CLVS1: variants seen among roughly 807,000 people sequenced by gnomAD.
CLVS1 encodes the protein clavesin-1.
CLVS1 carries 10 observed loss-of-function variants against 33.1 expected under a neutral mutation model. The ratio of observed to expected loss-of-function variants is 0.30; its 90% CI spans 0.19 to 0.51. The LOEUF is 0.51. Among genes scored for constraint, CLVS1 ranks in the 20% least tolerant of loss-of-function variants. The pLI is 0.97. For synonymous variants in CLVS1, 163 were observed against 166.1 expected (o/e 0.98, Z 0.14); for missense variants, 343 against 433.4 (o/e 0.79, Z 1.85).
At chr8:61,179,986 G>T (rs1807197927) in intron 2 of CLVS1, among the ~76,000 whole-genome samples, 1 of 152,054 alleles carries the variant, frequency 6.6e-6, no homozygotes, top group African/African-American at 2.4e-5. Flanking sequence ...AAATAACTAA[G>T]ATCAAAGCAG....
At chr8:61,159,652 G>A (rs112779300) in intron 2 of CLVS1, among the ~76,000 whole-genome samples, 5,170 of 152,246 alleles carry the variant, frequency 0.034, 95 homozygotes, top group Middle Eastern at 0.041. Context: ...TATCATGAAC[G>A]AAATAACTCA....
At chr8:61,417,997 G>C (rs1440354826) in intron 3 of CLVS1, among the ~76,000 whole-genome samples, 2 of 152,176 alleles carry the variant, frequency 1.3e-5, no homozygotes, top group East Asian at 1.9e-4. Context: ...ATCCTAATAA[G>C]TTGCAATGTG....
chr8:61,027,490 A>G, the CLVS1 span, among the ~76,000 whole-genome samples: 1 of 152,052 alleles, frequency 6.6e-6, no homozygotes, highest in African/African-American at 2.4e-5. Context: ...AAAATTATAT[A>G]TGTATGTCAT....
chr8:61,011,094 T>C, the CLVS1 span, among the ~76,000 whole-genome samples: 1 of 152,242 alleles, frequency 6.6e-6, no homozygotes, highest in African/African-American at 2.4e-5. Flanking sequence ...ATGCATGCGC[T>C]TGTCCTTTCT....
intron 5 of CLVS1, among the ~76,000 whole-genome samples, chr8:61,468,319 T>C (rs1817623370): frequency 6.6e-6 from 1 of 152,188 alleles, no homozygotes; most frequent in East Asian, 1.9e-4. Flanking sequence ...AAAATATAAG[T>C]GTATGGTGCA....
At chr8:60,990,715 T>G in the CLVS1 span, among the ~76,000 whole-genome samples, 1 of 149,240 alleles carries the variant, frequency 6.7e-6, no homozygotes, top group South Asian at 2.1e-4. Context: ...TTTTTTTTGT[T>G]TTTTTTTTTT....
chr8:61,172,211 C>T (rs1807016886), intron 2 of CLVS1, among the ~76,000 whole-genome samples: 1 of 152,066 alleles, frequency 6.6e-6, no homozygotes, highest in South Asian at 2.1e-4. Flanking sequence ...ACATAAAAGG[C>T]ATTTGAGGAG....
At chr8:61,230,380 T>C (rs1439492529) in intron 2 of CLVS1, among the ~76,000 whole-genome samples, 1 of 152,200 alleles carries the variant, frequency 6.6e-6, no homozygotes, top group Non-Finnish European at 1.5e-5. Flanking sequence ...ACTGGGCCCG[T>C]GACTAACCTC....
chr8:61,013,112 T>C, the CLVS1 span, among the ~76,000 whole-genome samples: 1 of 152,180 alleles, frequency 6.6e-6, no homozygotes, highest in Non-Finnish European at 1.5e-5. Context: ...CATTTGGAGA[T>C]GGCAGGGGAC....
intron 1 of CLVS1, among the ~76,000 whole-genome samples, chr8:61,118,509 A>G (rs1053185510): frequency 2.4e-4 from 36 of 150,026 alleles, no homozygotes; most frequent in African/African-American, 9.0e-4. Context: ...GTGGGCATTT[A>G]GTGCTATAAA....
At chr8:61,015,661 G>C in the CLVS1 span, among the ~76,000 whole-genome samples, 2 of 152,218 alleles carry the variant, frequency 1.3e-5, no homozygotes, top group Non-Finnish European at 2.9e-5. Flanking sequence ...TGAGAAAGCA[G>C]AGCAAAAGGG....
Position 61,063,135 on chromosome 8 carries a change from A to C in CLVS1, c.-243+5905A>C, listed in dbSNP as rs568422974. Among the ~76,000 whole-genome samples the C allele has an allele frequency of 8.5e-5, 13 of 152,270 alleles. No homozygotes were observed. In the South Asian group the frequency reaches 2.7e-3, roughly 32 times the overall value. On this transcript the variant is annotated intron_variant, in intron 1 of 2. Transcript: ENST00000522621. ...CAGAGATCTTAAAACCATGCTACGT[A>C]AGTAAGACAAAGGCTTTGCTCTCGC... is the stretch of plus-strand genomic sequence containing the variant.
intron 2 of CLVS1, among the ~76,000 whole-genome samples, chr8:61,232,430 G>A (rs1483432651): frequency 2.0e-5 from 3 of 152,234 alleles, no homozygotes; most frequent in South Asian, 2.1e-4. Context: ...GGGAGGCCAC[G>A]TTTGGGACTT....
At chr8:61,341,385 C>T (rs961818882) in intron 2 of CLVS1, among the ~76,000 whole-genome samples, 2 of 152,230 alleles carry the variant, frequency 1.3e-5, no homozygotes, top group Non-Finnish European at 2.9e-5. Context: ...TCATTGTCCT[C>T]TGCGGTCCAT....
rs1046396523 is a variant in CLVS1, at chr8:61,421,549, A to C, written c.631-32592A>C. ...GTTGTTTCCAATCTAAGCTAACTAC[A>C]ATGCCCTAGCACTGTGAAAGGGACT... On this transcript the variant is annotated intron_variant, in intron 3 of 5. Coordinates refer to ENST00000325897, the MANE Select transcript of CLVS1 (RefSeq NM_173519.3). 4.6e-5 allele frequency among the ~76,000 whole-genome samples: 7 copies of C among 152,148 alleles called. No homozygotes were observed. In the East Asian group the frequency reaches 1.3e-3, roughly 29 times the overall value.
chr8:61,144,570 C>T (rs1806378197), intron 2 of CLVS1, among the ~76,000 whole-genome samples: 1 of 151,764 alleles, frequency 6.6e-6, no homozygotes, highest in Admixed American at 6.6e-5. Flanking sequence ...GGGTATATAC[C>T]CAGTAATGGG....
intron 2 of CLVS1, among the ~76,000 whole-genome samples, chr8:61,338,848 G>A (rs1811903799): frequency 1.3e-5 from 2 of 152,126 alleles, no homozygotes; most frequent in African/African-American, 4.8e-5. Flanking sequence ...TCTGCCCCAG[G>A]GAGGTCCTTC....
chr8:60,970,918 CTTTTA>C, the CLVS1 span, among the ~76,000 whole-genome samples: 3 of 151,896 alleles, frequency 2.0e-5, no homozygotes, highest in African/African-American at 7.2e-5. Flanking sequence ...TATCTTTTCT[CTTTTA>C]TTTTCCATCT....
At chr8:61,202,878 T>C (rs1472199517) in intron 2 of CLVS1, 14 of 880,676 alleles carry the variant, frequency 1.6e-5, no homozygotes, top group Non-Finnish European at 2.3e-5. Flanking sequence ...ATGAAGATGA[T>C]GATGATGATT....
Sources: gnomAD v4.1 joint callset for allele counts (sites outside exome capture counted in the v4.1 genomes callset) on GRCh38, gnomAD v4.1.1 for gene constraint, MANE v1.5 for transcripts, NCBI Gene and HGNC (gene_info 2026-07-23, HGNC 2026-07-21) for gene names.